The following FOXJ3 variants were observed in gnomAD, a reference collection of about 807,000 sequenced individuals.
The protein encoded by FOXJ3 is forkhead box protein J3.
Under a neutral mutation model 76.1 loss-of-function variants are expected in FOXJ3, and 22 were observed. That is an observed-to-expected ratio of 0.29 (90% confidence interval 0.21 to 0.41). The LOEUF is 0.41. FOXJ3 is among the 10% of genes least tolerant of loss of function. The probability of loss-of-function intolerance (pLI) is 1.00; values close to 1 mark genes in which losing one functional copy is unlikely to be tolerated. For synonymous variants in FOXJ3, 269 were observed against 261.2 expected (o/e 1.03, Z -0.29); for missense variants, 613 against 762.1 (o/e 0.80, Z 2.30).
At chr1:42,235,550 G>GT (rs796839478) in intron 4 of FOXJ3, among the ~76,000 whole-genome samples, 1,749 of 145,426 alleles carry the variant, frequency 0.012, 25 homozygotes, top group African/African-American at 0.033. Flanking sequence ...GGCTCCACCC[G>GT]TTTTTTTTTG....
chr1:42,287,301 C>G (rs558425843), intron 2 of FOXJ3, among the ~76,000 whole-genome samples: 6 of 152,126 alleles, frequency 3.9e-5, no homozygotes, highest in African/African-American at 1.4e-4. Flanking sequence ...GATCCCACCA[C>G]TGCACTCCAG....
chr1:42,296,729 G>T (rs572292674), intron 2 of FOXJ3, among the ~76,000 whole-genome samples: 1 of 152,344 alleles, frequency 6.6e-6, no homozygotes, highest in African/African-American at 2.4e-5. Context: ...ATAATTTGAA[G>T]TCAGGCAATC....
intron 5 of FOXJ3, among the ~76,000 whole-genome samples, chr1:42,219,101 A>T (rs1647128955): frequency 6.6e-6 from 1 of 152,224 alleles, no homozygotes. Context: ...CACTTTCTGC[A>T]GTTTCAGTTT....
intron 7 of FOXJ3, among the ~76,000 whole-genome samples, chr1:42,196,538 C>T (rs1646654619): frequency 6.6e-6 from 1 of 152,124 alleles, no homozygotes; most frequent in Non-Finnish European, 1.5e-5. Context: ...ATTAAAAATA[C>T]AAAAATTAGC....
intron 1 of FOXJ3, among the ~76,000 whole-genome samples, chr1:42,320,752 G>A (rs971266946): frequency 1.3e-5 from 2 of 152,080 alleles, no homozygotes; most frequent in Admixed American, 6.6e-5. Flanking sequence ...CAAAAATGTT[G>A]AACTCTTACA....
At chr1:42,232,483 T>C (rs1419963982) in intron 4 of FOXJ3, among the ~76,000 whole-genome samples, 21 of 149,186 alleles carry the variant, frequency 1.4e-4, no homozygotes, top group South Asian at 8.6e-4. Flanking sequence ...TTTTAATGAT[T>C]GCCATTCTAA....
intron 2 of FOXJ3, among the ~76,000 whole-genome samples, chr1:42,302,477 T>C (rs1466328479): frequency 2.0e-5 from 3 of 152,190 alleles, no homozygotes; most frequent in Admixed American, 6.5e-5. Context: ...GGTCTCCCAA[T>C]AGCAGGGCAC....
chr1:42,228,984 C>A (rs995061205), intron 4 of FOXJ3, among the ~76,000 whole-genome samples: 4 of 152,146 alleles, frequency 2.6e-5, no homozygotes, highest in Non-Finnish European at 5.9e-5. Flanking sequence ...GGAAATACAA[C>A]CCTCACCTAT....
At chr1:42,224,962 A>T (rs1204354866) in intron 5 of FOXJ3, among the ~76,000 whole-genome samples, 1 of 151,698 alleles carries the variant, frequency 6.6e-6, no homozygotes, top group African/African-American at 2.4e-5. Flanking sequence ...TGGTAGTCCC[A>T]GCTACTCAGG....
At chr1:42,220,557 G>A (rs59651789) in intron 5 of FOXJ3, among the ~76,000 whole-genome samples, 2 of 151,926 alleles carry the variant, frequency 1.3e-5, no homozygotes, top group Admixed American at 1.3e-4. Context: ...TTCTGATTGG[G>A]AAGCATGCTT....
At chr1:42,300,591 C>A (rs759416198) in intron 2 of FOXJ3, among the ~76,000 whole-genome samples, 3 of 152,036 alleles carry the variant, frequency 2.0e-5, no homozygotes, top group Non-Finnish European at 2.9e-5. Flanking sequence ...GTTTGAGCAA[C>A]ACAGCAAAAC....
chr1:42,246,069 C>T (rs142079630), intron 4 of FOXJ3, among the ~76,000 whole-genome samples: 24 of 152,126 alleles, frequency 1.6e-4, no homozygotes, highest in African/African-American at 5.8e-4. Flanking sequence ...CTAGAAGAAA[C>T]ACAGGGGAAA....
intron 5 of FOXJ3, among the ~76,000 whole-genome samples, chr1:42,225,635 A>G (rs1409764081): frequency 6.6e-6 from 1 of 152,184 alleles, no homozygotes; most frequent in Non-Finnish European, 1.5e-5. Flanking sequence ...TAGTAATCGA[A>G]AGGCCCTGGT....
intron 5 of FOXJ3, among the ~76,000 whole-genome samples, chr1:42,221,872 G>C (rs1647193045): frequency 6.9e-6 from 1 of 144,190 alleles, no homozygotes; most frequent in Non-Finnish European, 1.5e-5. Context: ...CAGTACTTTG[G>C]GGGGCCAAGG....
At chr1:42,238,999 T>C (rs1648919276) in intron 4 of FOXJ3, among the ~76,000 whole-genome samples, 1 of 152,232 alleles carries the variant, frequency 6.6e-6, no homozygotes, top group Non-Finnish European at 1.5e-5. Context: ...CAGTTTTCAG[T>C]GAACAGGTCA....
Position 42,179,637 on chromosome 1 carries a change from G to C in FOXJ3, c.*73C>G. The C allele has an allele frequency of 1.1e-6, 1 of 884,496 alleles. No homozygotes were observed. The highest frequency in any genetic ancestry group is 1.8e-6 in the Non-Finnish European group (1 of 545,566). 54.8% of individuals were successfully genotyped at this position (884,496 alleles called of 1,614,324 possible). On this transcript the variant is annotated 3_prime_UTR_variant, in exon 13 of 13. Transcript: ENST00000361346. ...GATTAGCAAGTTTGTTTTCTCAACT[G>C]GATTCTCTTAAACCTTTCCCTTCAC... is the stretch of plus-strand genomic sequence containing the variant.
At chr1:42,212,980 A>AAAAT (rs1646995942) in intron 5 of FOXJ3, among the ~76,000 whole-genome samples, 1 of 151,206 alleles carries the variant, frequency 6.6e-6, no homozygotes, top group African/African-American at 2.4e-5. Context: ...AACAAAAAAA[A>AAAAT]AACTAAGTTT....
Position 42,189,514 on chromosome 1 carries a change from C to T in FOXJ3, c.1352-110G>A, listed in dbSNP as rs1646500755. ...TGAAATTGGCTGATTCTTGTCCCGT[C>T]TTACAAGGGGATTTGTACCCATTAT... On this transcript the variant is annotated intron_variant, in intron 9 of 12. Coordinates refer to ENST00000361346, the MANE Select transcript of FOXJ3 (RefSeq NM_014947.5). 4 of 728,846 alleles carry T rather than the reference C, an allele frequency of 5.5e-6. No individual in the cohort carries two copies. The South Asian group carries it at 6.4e-5, about 12-fold the overall frequency. 45.1% of individuals were successfully genotyped at this position (728,846 alleles called of 1,614,324 possible).
In FOXJ3 at chr1:42,311,102, A is replaced by T; in HGVS notation, c.-9T>A. On this transcript the variant is annotated 5_prime_UTR_variant, in exon 2 of 13. Coordinates refer to ENST00000361346, the MANE Select transcript of FOXJ3 (RefSeq NM_014947.5). ...TGTCCATACAAACCCATCTGGCCAC[A>T]AAGAGAATCTGAAAAGCAAAGAAGA... 3 of 1,595,730 alleles carry T rather than the reference A, an allele frequency of 1.9e-6. No individual in the cohort carries two copies. Among genetic ancestry groups the T allele is most frequent in the Non-Finnish European group, 2.6e-6 (3 of 1,173,388 alleles).
Sources: gnomAD v4.1 joint callset for allele counts (sites outside exome capture counted in the v4.1 genomes callset) on GRCh38, gnomAD v4.1.1 for gene constraint, MANE v1.5 for transcripts, NCBI Gene and HGNC (gene_info 2026-07-23, HGNC 2026-07-21) for gene names.